The following ZNF71 variants were observed in gnomAD, a reference collection of about 807,000 sequenced individuals.
ZNF71 encodes the protein endothelial zinc finger protein induced by tumor necrosis factor alpha.
In ZNF71, 3 loss-of-function variants were observed where a neutral mutation model predicts 6.7. The observed-to-expected ratio is 0.45, with a 90% CI of 0.20 to 1.16. The LOEUF is 1.16. Ranked by LOEUF, ZNF71 falls within the 50% of genes most tolerant of loss-of-function variation. The pLI, the probability that ZNF71 is intolerant of heterozygous loss-of-function variation, is 0.25. For missense variants in ZNF71, 688 were observed against 728.6 expected, an observed-to-expected ratio of 0.94 and a Z score of 0.64; for synonymous variants, 343 against 311.1, an observed-to-expected ratio of 1.10 and a Z score of -1.08.
In ZNF71 at chr19:56,622,749, C is replaced by T. The variant is rs1426845841; in HGVS notation, c.1642C>T (p.His548Tyr). The change falls in exon 4 of 4, where the codon CAC (histidine) becomes TAC (tyrosine). Residue 548 changes from histidine (H) to tyrosine (Y), a missense_variant. Coordinates refer to ENST00000599599, the MANE Select transcript of ZNF71 (RefSeq NM_001370215.1). ...GAACCTGACGCGCCACCTGCGGATT[C>T]ACACCTGAGCGCCTCTGTGCAGGGC... ...NTNLTRHLRI[H>Y]T The T allele has an allele frequency of 2.5e-6, 4 of 1,598,074 alleles. No individual in the cohort carries two copies. The East Asian group carries it at 6.7e-5, about 27-fold the overall frequency.
At position 56,622,937 on chromosome 19, in the gene ZNF71, T is replaced by A; in HGVS notation, c.*180T>A. On this transcript the variant is annotated 3_prime_UTR_variant, in exon 4 of 4. Transcript: ENST00000599599. ...ACACATGCCCCCTCCTTACTGAGCCTCAGAAAGCAAGCCCCTCGGTGTCTG... is the reference window on the plus strand; with the variant it reads ...ACACATGCCCCCTCCTTACTGAGCCACAGAAAGCAAGCCCCTCGGTGTCTG... 1.2e-6 allele frequency: 1 copy of A among 805,740 alleles called. No homozygotes were observed. Among genetic ancestry groups the A allele is most frequent in the Non-Finnish European group, 1.9e-6 (1 of 515,566 alleles). 49.9% of individuals were successfully genotyped at this position (805,740 alleles called of 1,614,324 possible). A position where few individuals can be genotyped will look rare whatever the true frequency, so the allele number is the denominator to read the frequency against.
chr19:56,601,765 G>A (rs2044672531), intron 2 of ZNF71, among the ~76,000 whole-genome samples, 174 bp downstream of exon 2: 1 of 152,128 alleles, frequency 6.6e-6, no homozygotes, highest in South Asian at 2.1e-4. Flanking sequence ...GGGGTCAGTT[G>A]TAGGGGACAG....
intron 1 of ZNF71, among the ~76,000 whole-genome samples, chr19:56,600,092 G>GT (rs1568503280): frequency 4.4e-5 from 5 of 112,962 alleles, no homozygotes; most frequent in African/African-American, 1.5e-4. Context: ...TTTTTTTGGG[G>GT]TTTGTTTTTT....
rs746496702 is a variant in ZNF71, at chr19:56,622,437, T to C, written c.1330T>C (p.Cys444Arg). ...RIHTGEKPYE[C>R]YICKKHFTGR... ...CCACACCGGCGAGAAGCCCTACGAGTGCTACATCTGCAAGAAGCACTTCAC... is the reference window on the plus strand; with the variant it reads ...CCACACCGGCGAGAAGCCCTACGAGCGCTACATCTGCAAGAAGCACTTCAC... Residue 444 changes from cysteine (C) to arginine (R), a missense_variant, in exon 4 of 4, where the codon TGC becomes CGC. By Grantham distance (180) the Cys-to-Arg change is radical. Coordinates refer to ENST00000599599, the MANE Select transcript of ZNF71 (RefSeq NM_001370215.1). 1 of 1,613,058 alleles carries C rather than the reference T, an allele frequency of 6.2e-7. No homozygotes were observed. The highest frequency in any genetic ancestry group is 8.5e-7 in the Non-Finnish European group (1 of 1,179,838).
chr19:56,610,632 T>C (rs1250317672), intron 2 of ZNF71: 1 of 152,238 alleles, frequency 6.6e-6, no homozygotes. Context: ...TCTGAATTAG[T>C]CTAAAGTGTT....
At chr19:56,601,010 C>T (rs147322990) in intron 1 of ZNF71, among the ~76,000 whole-genome samples, 1 of 152,250 alleles carries the variant, frequency 6.6e-6, no homozygotes, top group East Asian at 1.9e-4. Flanking sequence ...CAGTCCAGCA[C>T]TCACACTCAA....
At chr19:56,597,294 C>G (rs1383612252) in intron 1 of ZNF71, among the ~76,000 whole-genome samples, 1 of 152,006 alleles carries the variant, frequency 6.6e-6, no homozygotes, top group East Asian at 1.9e-4. Context: ...TGAAAGAGAC[C>G]ACTATCTGCA....
intron 2 of ZNF71, among the ~76,000 whole-genome samples, chr19:56,611,478 G>GC (rs1484312353): frequency 3.9e-5 from 6 of 152,094 alleles, no homozygotes; most frequent in Non-Finnish European, 7.3e-5. Context: ...TCCCTCCAGT[G>GC]CCCCCTATTG....
In ZNF71 at chr19:56,622,216, G is replaced by C. The variant is rs1360155188; in HGVS notation, c.1109G>C (p.Ser370Thr). 1.2e-6 allele frequency: 2 copies of C among 1,610,208 alleles called. No individual in the cohort carries two copies. The highest frequency in any genetic ancestry group is 1.7e-6 in the Non-Finnish European group (2 of 1,178,468). Residue 370 changes from serine to threonine, a missense_variant, in exon 4 of 4, where the codon AGC becomes ACC. Physicochemically the swap from Ser to Thr is moderately conservative, Grantham distance 58. Coordinates refer to ENST00000599599, the MANE Select transcript of ZNF71 (RefSeq NM_001370215.1). ...GAGTGCGGCAAGGCCTTCAACAAGAGCTCCTCGCTCACCCTGCACCAGAGG... is the reference window on the plus strand; with the variant it reads ...GAGTGCGGCAAGGCCTTCAACAAGACCTCCTCGCTCACCCTGCACCAGAGG... ...CKECGKAFNK[S>T]SSLTLHQRNH...
chr19:56,614,399 A>T (rs1024785), intron 3 of ZNF71, among the ~76,000 whole-genome samples: 12,866 of 152,298 alleles, frequency 0.084, 625 homozygotes, highest in Non-Finnish European at 0.1. Context: ...TAAAGTTGGG[A>T]CAGCTCTTTT....
rs547290129 is a variant in ZNF71, at chr19:56,624,227, G to C, written c.*1470G>C. On this transcript the variant is annotated 3_prime_UTR_variant, in exon 4 of 4. Coordinates refer to ENST00000599599, the MANE Select transcript of ZNF71 (RefSeq NM_001370215.1). ...CTGCAAATAAGAAAAACAGCCACTC[G>C]GGCACGTATAAACAAGGTGGACCGT... 1 of 160,668 alleles carries C rather than the reference G, an allele frequency of 6.2e-6. No individual in the cohort carries two copies. The highest frequency in any genetic ancestry group is 2.4e-5 in the African/African-American group (1 of 41,432). 10.0% of individuals were successfully genotyped at this position (160,668 alleles called of 1,614,324 possible). A position where few individuals can be genotyped will look rare whatever the true frequency, so the allele number is the denominator to read the frequency against.
At position 56,623,028 on chromosome 19, in the gene ZNF71, G is replaced by T; in HGVS notation, c.*271G>T. 1 of 526,720 alleles carries T rather than the reference G, an allele frequency of 1.9e-6. No individual in the cohort carries two copies. The highest frequency in any genetic ancestry group is 3.4e-6 in the Non-Finnish European group (1 of 289,946). 32.6% of individuals were successfully genotyped at this position (526,720 alleles called of 1,614,324 possible). A position where few individuals can be genotyped will look rare whatever the true frequency, so the allele number is the denominator to read the frequency against. On this transcript the variant is annotated 3_prime_UTR_variant, in exon 4 of 4. Transcript: ENST00000599599. The stretch of plus-strand genomic sequence containing the variant: ...ATGGCCGCTGGTAACAGACATCAGG[G>T]TTCCAGACTAGCCCTCTTGAGTAAC...
Position 56,613,305 on chromosome 19 carries a change from A to C in ZNF71, c.34-507A>C, listed in dbSNP as rs1398523764. ...CAGCTGGCATTACTCAGGCACCTGG[A>C]GACCTTTGTTCATACCTTCATGATT... On this transcript the variant is annotated intron_variant, in intron 2 of 3. Coordinates refer to ENST00000599599, the MANE Select transcript of ZNF71 (RefSeq NM_001370215.1). The surrounding 1 kb of genome is among the most constrained non-coding windows in gnomAD (Gnocchi z 4.6). Among the ~76,000 whole-genome samples the C allele has an allele frequency of 2.0e-5, 3 of 152,194 alleles. No individual in the cohort carries two copies. Among genetic ancestry groups the C allele is most frequent in the Non-Finnish European group, 4.4e-5 (3 of 68,024 alleles).
In ZNF71 at chr19:56,618,724, A is replaced by G. The variant is rs2044817813; in HGVS notation, c.161-2544A>G. Among the ~76,000 whole-genome samples the G allele has an allele frequency of 1.4e-5, 2 of 142,128 alleles. No homozygotes were observed. Among genetic ancestry groups the G allele is most frequent in the South Asian group, 5.2e-4 (2 of 3,844 alleles). The allele number at this position is 142,128 out of a possible 152,430, so 93.2% of individuals were successfully genotyped here. On this transcript the variant is annotated intron_variant, in intron 3 of 3. Coordinates refer to ENST00000599599, the MANE Select transcript of ZNF71 (RefSeq NM_001370215.1). This position sits in a 1 kb window ranked among gnomAD's most constrained non-coding sequence, Gnocchi z 4.6. The stretch of plus-strand genomic sequence containing the variant: ...CCTGAGGCAGGAAGAACACACGGAC[A>G]AGAGGGAGAGCATGGTGATGAGAAA...
chr19:56,604,757 C>T (rs2044696985), intron 2 of ZNF71, among the ~76,000 whole-genome samples: 1 of 152,162 alleles, frequency 6.6e-6, no homozygotes, highest in Non-Finnish European at 1.5e-5. Context: ...GCCCAAGCCC[C>T]AGAAGGGCAC....
rs969317484 is a variant in ZNF71 at position 56,622,673 on chromosome 19, C to G, written c.1566C>G (p.Gly522=). 6.2e-7 allele frequency: 1 copy of G among 1,613,812 alleles called. No homozygotes were observed. Among genetic ancestry groups the G allele is most frequent in the African/African-American group, 1.3e-5 (1 of 74,864 alleles). ...SLTVHQRIHT[G]EKPYRCGECG... is the part of the protein sequence containing the mutation. Reference sequence around the variant, plus strand: ...CTGTGCACCAGCGGATCCACACGGGCGAGAAGCCCTACCGATGCGGCGAGT... The same window carrying G: ...CTGTGCACCAGCGGATCCACACGGGGGAGAAGCCCTACCGATGCGGCGAGT... Residue 522 remains glycine, a synonymous_variant, in exon 4 of 4, where the codon GGC becomes GGG. Transcript: ENST00000599599.
chr19:56,622,300 G>C lies in ZNF71; in HGVS notation c.1193G>C (p.Ser398Thr). The stretch of plus-strand genomic sequence containing the variant: ...GAGTGCGGCAAGGCCTTCAGCCAGA[G>C]CTCCTACCTCATCCAGCACCAGCGC... The part of the protein sequence containing the change: ...CGECGKAFSQ[S>T]SYLIQHQRFH... The change falls in exon 4 of 4, where the codon AGC becomes ACC. Residue 398 changes from serine (S) to threonine (T), a missense_variant. Transcript: ENST00000599599. 6.2e-7 allele frequency: 1 copy of C among 1,605,248 alleles called. No homozygotes were observed. Among genetic ancestry groups the C allele is most frequent in the Non-Finnish European group, 8.5e-7 (1 of 1,175,110 alleles).
intron 2 of ZNF71, among the ~76,000 whole-genome samples, chr19:56,608,194 C>G (rs894926814): frequency 6.6e-6 from 1 of 152,092 alleles, no homozygotes; most frequent in Non-Finnish European, 1.5e-5. Flanking sequence ...AAATGCATTC[C>G]TAATGTGCAG....
chr19:56,601,711 T>TCTTCATCAGGGCA, intron 2 of ZNF71, 120 bp downstream of exon 2: 1 of 604,344 alleles, frequency 1.7e-6, no homozygotes, highest in Non-Finnish European at 2.1e-6. Context: ...GTGTCTGCCC[T>TCTTCATCAGGGCA]GATGAAGAGG....
Sources: allele counts gnomAD v4.1 joint callset (sites outside exome capture counted in the v4.1 genomes callset), GRCh38; gene constraint gnomAD v4.1.1; non-coding constraint Gnocchi (gnomAD v3.1); transcripts MANE v1.5; gene names NCBI Gene and HGNC (gene_info 2026-07-23, HGNC 2026-07-21).